Variants in KCND2 observed in about 807,000 individuals in gnomAD.
KCND2 encodes the protein potassium voltage-gated channel subfamily D member 2.
Under a neutral mutation model 54.4 loss-of-function variants are expected in KCND2, and 16 were observed. The observed-to-expected ratio is 0.29, with a 90% CI of 0.20 to 0.45. The LOEUF is 0.45. KCND2 is among the 20% of genes least tolerant of loss of function. The pLI, the probability that KCND2 is intolerant of heterozygous loss-of-function variation, is 1.00. For synonymous variants in KCND2, 317 were observed against 310.7 expected (o/e 1.02, Z -0.21); for missense variants, 486 against 824.2 (o/e 0.59, Z 5.02).
At chr7:120,320,320 C>G (rs893665175) in intron 1 of KCND2, among the ~76,000 whole-genome samples, 2 of 152,208 alleles carry the variant, frequency 1.3e-5, no homozygotes, top group African/African-American at 4.8e-5. Flanking sequence ...TCACTTTGGT[C>G]TAGCCTAGTA....
chr7:120,300,127 C>T (rs186628668), intron 1 of KCND2, among the ~76,000 whole-genome samples: 1 of 152,268 alleles, frequency 6.6e-6, no homozygotes, highest in East Asian at 1.9e-4. Flanking sequence ...GGGACAATGA[C>T]ACCAGGCTGT....
At chr7:120,292,368 T>A (rs1799447852) in intron 1 of KCND2, among the ~76,000 whole-genome samples, 1 of 151,898 alleles carries the variant, frequency 6.6e-6, no homozygotes, top group Non-Finnish European at 1.5e-5. Flanking sequence ...TTGTTTCACC[T>A]TAGTGGCAAG....
At chr7:120,578,426 C>A (rs1349733053) in intron 1 of KCND2, among the ~76,000 whole-genome samples, 1 of 152,130 alleles carries the variant, frequency 6.6e-6, no homozygotes, top group Non-Finnish European at 1.5e-5. Flanking sequence ...ACATTAAAAC[C>A]TATCACTTCT....
Position 120,747,673 on chromosome 7 carries a change from T to C in KCND2, c.1716-8T>C. 2.5e-6 allele frequency: 4 copies of C among 1,607,584 alleles called. No homozygotes were observed. The highest frequency in any genetic ancestry group is 2.6e-6 in the Non-Finnish European group (3 of 1,174,906). ...ACTTACTTTCCTAAATATTTTTTTT[T>C]CTATCAGCCGATCCAGTTTAAATGC... On this transcript the variant is annotated splice_polypyrimidine_tract_variant and splice_region_variant and intron_variant, in intron 5 of 5. Coordinates refer to ENST00000331113, the MANE Select transcript of KCND2 (RefSeq NM_012281.3).
At position 120,589,853 on chromosome 7, in the gene KCND2, G is replaced by T. The variant is rs998527924; in HGVS notation, c.1116-143050G>T. Among the ~76,000 whole-genome samples the T allele has an allele frequency of 2.0e-5, 3 of 152,136 alleles. No individual in the cohort carries two copies. The East Asian group carries it at 5.8e-4, about 29-fold the overall frequency. On this transcript the variant is annotated intron_variant, in intron 1 of 5. Transcript: ENST00000331113. ...TTAATGGTAGTGCTAACATCATAAT[G>T]TTGAGAGGGAACCTGAGTTGGAACA...
chr7:120,374,420 C>T lies in KCND2; in HGVS notation c.1115+98673C>T, dbSNP rs188456124. On this transcript the variant is annotated intron_variant, in intron 1 of 5. Transcript: ENST00000331113. ...TGGTGCCTCCCACTCCCCCAACCCCCGAAAAAGTGGATTCGAACTAGGGTT... is the reference window on the plus strand; with the variant it reads ...TGGTGCCTCCCACTCCCCCAACCCCTGAAAAAGTGGATTCGAACTAGGGTT... Among the ~76,000 whole-genome samples the T allele has an allele frequency of 1.6e-4, 25 of 151,690 alleles. 1 individual carries two copies. In the South Asian group the frequency reaches 3.8e-3, roughly 23 times the overall value.
At chr7:120,593,514 A>C (rs953926107) in intron 1 of KCND2, among the ~76,000 whole-genome samples, 5 of 152,164 alleles carry the variant, frequency 3.3e-5, no homozygotes, top group African/African-American at 1.2e-4. Context: ...GTTGACTATG[A>C]TAGGAATGCC....
At chr7:120,317,579 A>G (rs1740468590) in intron 1 of KCND2, among the ~76,000 whole-genome samples, 1 of 152,194 alleles carries the variant, frequency 6.6e-6, no homozygotes. Flanking sequence ...GTTCTAATAT[A>G]CCTTATTAGT....
At chr7:120,414,029 A>G (rs927922591) in intron 1 of KCND2, among the ~76,000 whole-genome samples, 6 of 151,390 alleles carry the variant, frequency 4.0e-5, no homozygotes, top group Non-Finnish European at 8.8e-5. Context: ...GTTTAGTCTG[A>G]TGATGAGGTT....
At chr7:120,599,345 AT>A (rs1343313616) in intron 1 of KCND2, among the ~76,000 whole-genome samples, 43 of 152,170 alleles carry the variant, frequency 2.8e-4, no homozygotes, top group Non-Finnish European at 1.8e-4. Flanking sequence ...AATTTTTGGA[AT>A]AAAATTATTT....
intron 1 of KCND2, among the ~76,000 whole-genome samples, chr7:120,391,995 C>T (rs751933540): frequency 7.3e-5 from 11 of 151,650 alleles, no homozygotes; most frequent in Non-Finnish European, 1.3e-4. Context: ...TTTGCCCGTG[C>T]GTATCCTGAA....
intron 1 of KCND2, among the ~76,000 whole-genome samples, chr7:120,702,762 C>T (rs1792419423): frequency 6.6e-6 from 1 of 151,996 alleles, no homozygotes; most frequent in Admixed American, 6.6e-5. Flanking sequence ...AGGGGAACAA[C>T]ACATACAGGG....
chr7:120,480,775 A>G (rs909145625), intron 1 of KCND2, among the ~76,000 whole-genome samples: 16 of 152,186 alleles, frequency 1.1e-4, no homozygotes, highest in Non-Finnish European at 1.8e-4. Flanking sequence ...TCTGTTCTTT[A>G]TAAGTTACCC....
rs958431708 is a variant in KCND2 at position 120,365,232 on chromosome 7, A to C, written c.1115+89485A>C. Among the ~76,000 whole-genome samples, 5 of 66,734 alleles carry C rather than the reference A, an allele frequency of 7.5e-5. No individual in the cohort carries two copies. The South Asian group carries it at 2.1e-3, about 28-fold the overall frequency. The allele number at this position is 66,734 out of a possible 152,430, so 43.8% of individuals were successfully genotyped here. The stretch of plus-strand genomic sequence containing the variant: ...AAGGAAGGGAGGGAGGGAGGGAGGG[A>C]GGCAGGGAGGGAGGGACGGGCGAGC... On this transcript the variant is annotated intron_variant, in intron 1 of 5. Transcript: ENST00000331113.
chr7:120,341,443 A>G (rs1233359207), intron 1 of KCND2, among the ~76,000 whole-genome samples: 1 of 152,184 alleles, frequency 6.6e-6, no homozygotes. Flanking sequence ...AATTTTGCCT[A>G]ATGAAAGATG....
At chr7:120,629,475 G>T (rs887897762) in intron 1 of KCND2, among the ~76,000 whole-genome samples, 1 of 152,164 alleles carries the variant, frequency 6.6e-6, no homozygotes, top group African/African-American at 2.4e-5. Context: ...GACAGAGCGA[G>T]ACTCCGTCTC....
chr7:120,302,398 T>G (rs1584720272), intron 1 of KCND2, among the ~76,000 whole-genome samples: 1 of 152,118 alleles, frequency 6.6e-6, no homozygotes, highest in Admixed American at 6.6e-5. Flanking sequence ...TACTGGAGAC[T>G]AGCGGTGTGC....
intron 1 of KCND2, among the ~76,000 whole-genome samples, chr7:120,475,472 T>G (rs1355038161): frequency 6.6e-6 from 1 of 152,218 alleles, no homozygotes; most frequent in Non-Finnish European, 1.5e-5. Context: ...TTTAGTAATT[T>G]TTTAAACATC....
At chr7:120,303,969 T>C (rs1291837758) in intron 1 of KCND2, among the ~76,000 whole-genome samples, 1 of 152,186 alleles carries the variant, frequency 6.6e-6, no homozygotes. Context: ...ACTGTTGTTA[T>C]TAATTGTGCT....
Sources: allele counts gnomAD v4.1 joint callset (sites outside exome capture counted in the v4.1 genomes callset), GRCh38; gene constraint gnomAD v4.1.1; transcripts MANE v1.5; gene names NCBI Gene and HGNC (gene_info 2026-07-23, HGNC 2026-07-21).